The following DACH2 variants were observed in gnomAD, a reference collection of about 807,000 sequenced individuals.
DACH2 encodes dachshund homolog 2.
Under a neutral mutation model 35.8 loss-of-function variants are expected in DACH2, and 17 were observed. That is an observed-to-expected ratio of 0.48 (90% confidence interval 0.33 to 0.71). DACH2 has a LOEUF of 0.71. Among genes scored for constraint, DACH2 ranks in the 30% least tolerant of loss-of-function variants. The pLI is 0.02. For synonymous variants in DACH2, 195 were observed against 177.3 expected (o/e 1.10, Z -0.79); for missense variants, 469 against 472.7 (o/e 0.99, Z 0.07).
At chrX:86,377,203 C>T (rs2035980823) in intron 2 of DACH2, among the ~76,000 whole-genome samples, 1 of 110,897 alleles carries the variant, frequency 9.0e-6, no homozygotes, top group African/African-American at 3.3e-5. Context: ...TTCAGATGTC[C>T]ACCTGCCCCT....
intron 1 of DACH2, among the ~76,000 whole-genome samples, chrX:86,240,962 G>A (rs1328881548): frequency 9.0e-6 from 1 of 111,563 alleles, no homozygotes; most frequent in Non-Finnish European, 1.9e-5. Context: ...TTCCTCTACA[G>A]CCTGTGGAAC....
intron 1 of DACH2, among the ~76,000 whole-genome samples, chrX:86,323,625 G>T (rs898249529): frequency 1.8e-5 from 2 of 111,995 alleles, no homozygotes; most frequent in Admixed American, 9.4e-5. Context: ...AACCAGTCGG[G>T]CATAGGGGGC....
chrX:86,450,874 A>G (rs964730074), intron 2 of DACH2, among the ~76,000 whole-genome samples: 1 of 111,032 alleles, frequency 9.0e-6, no homozygotes, highest in African/African-American at 3.3e-5. Flanking sequence ...GTCTTCTTTG[A>G]TAAGTGTCTT....
intron 1 of DACH2, among the ~76,000 whole-genome samples, chrX:86,303,252 CAA>C (rs879239733): frequency 3.2e-4 from 35 of 108,325 alleles, no homozygotes; most frequent in African/African-American, 6.0e-4. Context: ...TCTGTGGTCC[CAA>C]GTTTCCTCAC....
At chrX:86,786,334 G>A (rs560847458) in intron 7 of DACH2, among the ~76,000 whole-genome samples, 2 of 111,865 alleles carry the variant, frequency 1.8e-5, no homozygotes, top group African/African-American at 6.5e-5. Flanking sequence ...ATGACCTAAA[G>A]AGCAACCTGC....
chrX:86,576,107 A>G (rs1297662599), intron 3 of DACH2, among the ~76,000 whole-genome samples: 1 of 112,171 alleles, frequency 8.9e-6, no homozygotes, highest in Non-Finnish European at 1.9e-5. Context: ...TCCAAGCACT[A>G]TGATAAACAT....
chrX:86,760,382 C>T lies in DACH2; in HGVS notation c.1240+20500C>T, dbSNP rs139278087. Among the ~76,000 whole-genome samples the T allele has an allele frequency of 9.4e-3, 1,054 of 111,922 alleles. 15 individuals are homozygous for T. The highest frequency in any genetic ancestry group is 0.033 in the African/African-American group (1,005 of 30,866). On this transcript the variant is annotated intron_variant, in intron 7 of 11. Transcript: ENST00000373125. Reference sequence around the variant, plus strand: ...TTTCCCATATGCCATATATGCTTTGCTCATACTTTTTCAATTCTTTTTTCT... The same window carrying T: ...TTTCCCATATGCCATATATGCTTTGTTCATACTTTTTCAATTCTTTTTTCT...
At chrX:86,419,320 C>A (rs755960319) in intron 2 of DACH2, among the ~76,000 whole-genome samples, 31 of 111,945 alleles carry the variant, frequency 2.8e-4, no homozygotes, top group African/African-American at 9.1e-4. Flanking sequence ...ATACCCGAGA[C>A]TGGGATATTT....
intron 7 of DACH2, among the ~76,000 whole-genome samples, chrX:86,783,697 A>C (rs1349534933): frequency 8.9e-6 from 1 of 111,939 alleles, no homozygotes; most frequent in Non-Finnish European, 1.9e-5. Context: ...CATGGATCAA[A>C]TTGGAGATCA....
At chrX:86,427,478 A>T (rs1442082860) in intron 2 of DACH2, among the ~76,000 whole-genome samples, 2 of 111,054 alleles carry the variant, frequency 1.8e-5, no homozygotes, top group African/African-American at 6.5e-5. Context: ...TGGAAAAAAG[A>T]AGTCCATTCT....
At chrX:86,695,680 T>A (rs1055577514) in intron 5 of DACH2, among the ~76,000 whole-genome samples, 7 of 109,653 alleles carry the variant, frequency 6.4e-5, no homozygotes, top group Admixed American at 5.8e-4. Context: ...CAGCTAAATT[T>A]TTTTGTATTT....
At chrX:86,174,407 G>A (rs1288118683) in intron 1 of DACH2, among the ~76,000 whole-genome samples, 1 of 110,825 alleles carries the variant, frequency 9.0e-6, no homozygotes, top group Admixed American at 9.6e-5. Context: ...GATCACAGGT[G>A]TTAGCCACCA....
chrX:86,344,167 T>C (rs2035459296), intron 1 of DACH2, among the ~76,000 whole-genome samples: 1 of 110,103 alleles, frequency 9.1e-6, no homozygotes, highest in Admixed American at 9.8e-5. Context: ...AAACATCTCA[T>C]ATATACCATA....
intron 2 of DACH2, among the ~76,000 whole-genome samples, chrX:86,378,874 C>A (rs964417095): frequency 9.0e-6 from 1 of 110,756 alleles, no homozygotes. Context: ...GGTGGTTATG[C>A]GCTTTGTGGG....
At chrX:86,418,070 T>C (rs1009816391) in intron 2 of DACH2, among the ~76,000 whole-genome samples, 1 of 112,269 alleles carries the variant, frequency 8.9e-6, no homozygotes, top group Admixed American at 9.4e-5. Flanking sequence ...TTTGACTCCA[T>C]GTCTCACATC....
intron 4 of DACH2, among the ~76,000 whole-genome samples, chrX:86,687,328 A>C (rs924880759): frequency 3.6e-5 from 4 of 111,763 alleles, no homozygotes; most frequent in Admixed American, 9.6e-5. Flanking sequence ...AATGCAAATC[A>C]AAACCACAAT....
chrX:86,304,618 C>T, intron 1 of DACH2: 1 of 166,369 alleles, frequency 6.0e-6, no homozygotes, highest in Non-Finnish European at 1.3e-5. Context: ...GGCAGGACTC[C>T]TACCTCCGTT....
intron 1 of DACH2, among the ~76,000 whole-genome samples, chrX:86,156,915 T>C (rs1602239592): frequency 9.0e-6 from 1 of 111,229 alleles, no homozygotes. Flanking sequence ...TAAGGCCCAA[T>C]CCAATGAAAC....
intron 3 of DACH2, among the ~76,000 whole-genome samples, chrX:86,635,660 C>A (rs1396548091): frequency 1.8e-5 from 2 of 111,781 alleles, no homozygotes; most frequent in Non-Finnish European, 3.8e-5. Context: ...GCTCCTTAAG[C>A]TAATAAACAA....
Sources: allele counts gnomAD v4.1 joint callset (sites outside exome capture counted in the v4.1 genomes callset), GRCh38; gene constraint gnomAD v4.1.1; transcripts MANE v1.5; gene names NCBI Gene and HGNC (gene_info 2026-07-23, HGNC 2026-07-21).